The following TMX4 variants were observed in gnomAD, a reference collection of about 807,000 sequenced individuals.
The protein encoded by TMX4 is thioredoxin related transmembrane protein 4, also known as thioredoxin-related transmembrane protein 4.
Under a neutral mutation model 33.3 loss-of-function variants are expected in TMX4, and 23 were observed. The observed-to-expected ratio is 0.69, with a 90% CI of 0.50 to 0.98. The LOEUF (loss-of-function observed/expected upper bound fraction) is 0.98, where lower values mean the gene tolerates loss of function less well. Among genes scored for constraint, TMX4 ranks in the 50% least tolerant of loss-of-function variants. TMX4 has a pLI of 0.00. For synonymous variants in TMX4, 164 were observed against 161.5 expected (o/e 1.02, Z -0.12); for missense variants, 399 against 448.9 (o/e 0.89, Z 1.01).
rs1412113326 is a variant in TMX4, at chr20:7,982,043, C to T, written c.*208G>A. On this transcript the variant is annotated 3_prime_UTR_variant, in exon 8 of 8. Transcript: ENST00000246024. ...AGTCTCCAAACAGATCCCAACACTA[C>T]GTTTGTTTTTCTATATCCTGATTGT... 9 of 568,752 alleles carry T rather than the reference C, an allele frequency of 1.6e-5. No homozygotes were observed. The highest frequency in any genetic ancestry group is 4.7e-4 in the Middle Eastern group (1 of 2,136). The allele number at this position is 568,752 out of a possible 1,614,324, so 35.2% of individuals were successfully genotyped here.
At position 7,980,037 on chromosome 20, in the gene TMX4, G is replaced by C. The variant is rs986591525; in HGVS notation, c.*2214C>G. 2.6e-5 allele frequency: 4 copies of C among 152,142 alleles called. No homozygotes were observed. Among genetic ancestry groups the C allele is most frequent in the Non-Finnish European group, 5.9e-5 (4 of 68,032 alleles). 9.4% of individuals were successfully genotyped at this position (152,142 alleles called of 1,614,324 possible). On this transcript the variant is annotated 3_prime_UTR_variant, in exon 8 of 8. Transcript: ENST00000246024. ...AACTGCCACCTGTCAAATGAGGTCAGGTGTAAAATTTTCCACTTCTGACGG... is the reference window on the plus strand; with the variant it reads ...AACTGCCACCTGTCAAATGAGGTCACGTGTAAAATTTTCCACTTCTGACGG...
intron 1 of TMX4, chr20:8,019,230 A>AGGCGGGTCCGCGGAC: frequency 1.8e-6 from 1 of 569,046 alleles, no homozygotes; most frequent in Non-Finnish European, 2.9e-6. Context: ...GTCGTTGGTA[A>AGGCGGGTCCGCGGAC]GGCGGGTCCG....
chr20:8,006,531 T>A (rs998955609), intron 2 of TMX4, among the ~76,000 whole-genome samples: 1 of 152,264 alleles, frequency 6.6e-6, no homozygotes, highest in East Asian at 1.9e-4. Flanking sequence ...AAAAATAATA[T>A]CATTTCAATG....
At position 7,982,560 on chromosome 20, in the gene TMX4, T is replaced by G; in HGVS notation, c.741A>C (p.Glu247Asp). 1 of 1,613,960 alleles carries G rather than the reference T, an allele frequency of 6.2e-7. No homozygotes were observed. ...TTTCTTCTTCATTTGAATCATCTTT[T>G]TCCTCCTCCGCATCCTGCAACTGTT... ...RAEQLQDAEE[E>D]KDDSNEEENK... is the part of the protein sequence containing the mutation. Residue 247 changes from glutamate (E) to aspartate (D), a missense_variant, in exon 8 of 8, where the codon GAA (glutamate) becomes GAC (aspartate). Coordinates refer to ENST00000246024, the MANE Select transcript of TMX4 (RefSeq NM_021156.4).
intron 5 of TMX4, among the ~76,000 whole-genome samples, chr20:7,988,796 G>A (rs576504734): frequency 1.4e-4 from 22 of 152,210 alleles, no homozygotes; most frequent in African/African-American, 2.4e-4. Context: ...AGGCCGAGGC[G>A]GGCAGATCAC....
intron 1 of TMX4, among the ~76,000 whole-genome samples, chr20:8,011,718 C>G (rs1387778101): frequency 1.3e-5 from 2 of 152,020 alleles, no homozygotes; most frequent in Non-Finnish European, 2.9e-5. Flanking sequence ...TCCAGACAGG[C>G]CCCAGAAGCA....
intron 3 of TMX4, 147 bp from the exon 4 acceptor site, chr20:8,000,007 C>T: frequency 1.2e-6 from 1 of 802,404 alleles, no homozygotes; most frequent in Non-Finnish European, 1.9e-6. Context: ...AGAGATAAAT[C>T]AGAAAGAGTT....
rs780962086 is a variant in TMX4, at chr20:8,001,531, G to A, written c.303C>T (p.Gly101=). The change falls in exon 3 of 8, where the codon GGC becomes GGT. Residue 101 remains glycine (G), a synonymous_variant. Coordinates refer to ENST00000246024, the MANE Select transcript of TMX4 (RefSeq NM_021156.4). ...CTGGGAGAGTGGTGACAAAGAAGCG[G>A]CCACTCAAACCTACAAGAAGCATAA... ...VDVIQEPGLS[G]RFFVTTLPAF... 116 of 1,600,104 alleles carry A rather than the reference G, an allele frequency of 7.2e-5. No homozygotes were observed. The highest frequency in any genetic ancestry group is 1.6e-4 in the Middle Eastern group (1 of 6,068).
intron 5 of TMX4, among the ~76,000 whole-genome samples, chr20:7,993,904 C>T (rs954733506): frequency 6.6e-6 from 1 of 151,836 alleles, no homozygotes; most frequent in Non-Finnish European, 1.5e-5. Context: ...TTTTAGTGAT[C>T]CCAATAAATA....
Position 8,018,529 on chromosome 20 carries a change from T to TCATTTTTC in TMX4, c.176+908_176+909insGAAAAATG, listed in dbSNP as rs1555779553. ...GAGAGAGAGAGAGAGAGAGAGAGAG[T>TCATTTTTC]CTGCAAGCCCACCATGATGGTCTCT... On this transcript the variant is annotated intron_variant, in intron 1 of 7. Transcript: ENST00000246024. Among the ~76,000 whole-genome samples the TCATTTTTC allele has an allele frequency of 7.5e-5, 3 of 40,228 alleles. 1 individual carries two copies. Among genetic ancestry groups the TCATTTTTC allele is most frequent in the Non-Finnish European group, 1.4e-4 (3 of 21,232 alleles). 26.4% of individuals were successfully genotyped at this position (40,228 alleles called of 152,430 possible). A position where few individuals can be genotyped will look rare whatever the true frequency, so the allele number is the denominator to read the frequency against.
intron 7 of TMX4, among the ~76,000 whole-genome samples, chr20:7,983,013 T>C (rs1402708106): frequency 6.6e-6 from 1 of 152,198 alleles, no homozygotes; most frequent in Admixed American, 6.5e-5. Flanking sequence ...AGCCTCTTTT[T>C]CTTCAGGGAT....
At chr20:8,019,267 G>C (rs1244251874) in intron 1 of TMX4, 171 bp downstream of exon 1, 1 of 767,876 alleles carries the variant, frequency 1.3e-6, no homozygotes, top group Non-Finnish European at 1.9e-6. Flanking sequence ...CCCAGCGGCA[G>C]TGCAGGATCG....
chr20:8,012,521 G>A (rs766202976), intron 1 of TMX4, among the ~76,000 whole-genome samples: 7 of 151,990 alleles, frequency 4.6e-5, no homozygotes, highest in African/African-American at 1.4e-4. Context: ...GATAAAAATC[G>A]TCAAGGAATA....
intron 7 of TMX4, 98 bp downstream of exon 7, chr20:7,983,696 A>T: frequency 1.2e-6 from 1 of 842,800 alleles, no homozygotes; most frequent in Non-Finnish European, 1.8e-6. Flanking sequence ...TTGGTCACCT[A>T]GTAAATCACA....
At chr20:7,997,964 G>A (rs764417271) in intron 4 of TMX4, among the ~76,000 whole-genome samples, 3 of 152,082 alleles carry the variant, frequency 2.0e-5, no homozygotes, top group Non-Finnish European at 4.4e-5. Flanking sequence ...AGATTTGGTT[G>A]TTTAACAGTG....
At chr20:7,997,542 A>T (rs2050681808) in intron 4 of TMX4, among the ~76,000 whole-genome samples, 1 of 151,878 alleles carries the variant, frequency 6.6e-6, no homozygotes, top group East Asian at 1.9e-4. Context: ...CTCACTACAG[A>T]CACCCTTTCC....
chr20:7,994,954 A>C (rs1051906684), intron 5 of TMX4, among the ~76,000 whole-genome samples: 1 of 152,106 alleles, frequency 6.6e-6, no homozygotes, highest in Admixed American at 6.6e-5. Context: ...GTTTATTGTG[A>C]GACAAATGCC....
chr20:8,011,930 C>T (rs572628280), intron 1 of TMX4, among the ~76,000 whole-genome samples: 131 of 152,088 alleles, frequency 8.6e-4, no homozygotes, highest in Non-Finnish European at 1.5e-3. Context: ...TCTGTATTTC[C>T]AAGGCAAAGT....
At chr20:7,985,503 G>A (rs1041595016) in intron 6 of TMX4, among the ~76,000 whole-genome samples, 7 of 151,718 alleles carry the variant, frequency 4.6e-5, no homozygotes, top group Non-Finnish European at 7.4e-5. Context: ...AAACTCCTGG[G>A]CTCAAATGAT....
Sources: allele counts gnomAD v4.1 joint callset (sites outside exome capture counted in the v4.1 genomes callset), GRCh38; gene constraint gnomAD v4.1.1; transcripts MANE v1.5; gene names NCBI Gene and HGNC (gene_info 2026-07-23, HGNC 2026-07-21).